TLK1: variants seen among roughly 807,000 people sequenced by gnomAD.
TLK1 encodes the protein serine/threonine-protein kinase tousled-like 1.
Under a neutral mutation model 105.3 loss-of-function variants are expected in TLK1, and 24 were observed. That is an observed-to-expected ratio of 0.23 (90% CI 0.17 to 0.32). The LOEUF (loss-of-function observed/expected upper bound fraction) is 0.32, where lower values mean the gene tolerates loss of function less well. Among genes scored for constraint, TLK1 ranks in the 10% least tolerant of loss-of-function variants. TLK1 has a pLI of 1.00. For synonymous variants in TLK1, 321 were observed against 310.4 expected (o/e 1.03, Z -0.36); for missense variants, 558 against 910.5 (o/e 0.61, Z 4.98).
chr2:171,069,863 A>G (rs1160723445), intron 3 of TLK1, among the ~76,000 whole-genome samples: 1 of 152,222 alleles, frequency 6.6e-6, no homozygotes, highest in African/African-American at 2.4e-5. Context: ...TAACCAACAT[A>G]AACAAAAGCT....
intron 2 of TLK1, among the ~76,000 whole-genome samples, chr2:171,115,296 C>T (rs1224860776): frequency 1.3e-5 from 2 of 151,446 alleles, no homozygotes; most frequent in African/African-American, 4.9e-5. Context: ...CTCAGCCTCC[C>T]GAGTAGCTAG....
At chr2:171,153,735 G>A (rs1692129886) in intron 1 of TLK1, 1 of 152,034 alleles carries the variant, frequency 6.6e-6, no homozygotes, top group Non-Finnish European at 1.5e-5. Context: ...ATTTTCTGAG[G>A]AACAATCACC....
chr2:171,058,226 T>C (rs1226278254), intron 4 of TLK1, 29 bp from the exon 5 acceptor site: 7 of 1,610,136 alleles, frequency 4.3e-6, no homozygotes, highest in Non-Finnish European at 5.1e-6. Context: ...ATGATGTTAG[T>C]AGGGTAGTGA....
intron 14 of TLK1, among the ~76,000 whole-genome samples, chr2:171,010,523 TGA>T (rs1446306287): frequency 2.0e-5 from 3 of 150,446 alleles, no homozygotes; most frequent in African/African-American, 7.4e-5. Flanking sequence ...ACCCAGTGAA[TGA>T]GAGAGGATAA....
intron 1 of TLK1, among the ~76,000 whole-genome samples, chr2:171,211,814 C>T (rs1693621229): frequency 1.3e-5 from 2 of 151,080 alleles, no homozygotes; most frequent in South Asian, 2.1e-4. Flanking sequence ...TCCCAAAGTG[C>T]TGGGATTACA....
At chr2:171,135,084 T>C in intron 1 of TLK1, among the ~76,000 whole-genome samples, 1 of 151,758 alleles carries the variant, frequency 6.6e-6, no homozygotes, top group Non-Finnish European at 1.5e-5. Flanking sequence ...CTGGGAGAAA[T>C]GAGGAAATGT....
intron 10 of TLK1, among the ~76,000 whole-genome samples, chr2:171,049,191 A>G: frequency 6.6e-6 from 1 of 152,204 alleles, no homozygotes; most frequent in Non-Finnish European, 1.5e-5. Flanking sequence ...TCACTACCTG[A>G]GTGGTGGGTT....
chr2:171,080,273 T>C (rs180961405), intron 3 of TLK1, among the ~76,000 whole-genome samples: 1 of 151,266 alleles, frequency 6.6e-6, no homozygotes, highest in Non-Finnish European at 1.5e-5. Context: ...TTAACAACTG[T>C]AGTAAATTGG....
chr2:171,202,108 G>A (rs933450453), intron 1 of TLK1, among the ~76,000 whole-genome samples: 1 of 152,202 alleles, frequency 6.6e-6, no homozygotes, highest in African/African-American at 2.4e-5. Context: ...AATACAGGAT[G>A]CCAAGTTAAA....
At chr2:171,080,760 T>G (rs1575581606) in intron 3 of TLK1, among the ~76,000 whole-genome samples, 1 of 151,374 alleles carries the variant, frequency 6.6e-6, no homozygotes, top group Non-Finnish European at 1.5e-5. Context: ...CAGGCTGGAG[T>G]GCAGTGGCAC....
intron 10 of TLK1, among the ~76,000 whole-genome samples, chr2:171,048,192 TCC>T (rs1687050671): frequency 2.4e-5 from 1 of 41,518 alleles, no homozygotes; most frequent in Non-Finnish European, 1.1e-4. Context: ...CAGGTGATCC[TCC>T]CAACTCGGCC....
At chr2:171,118,773 A>G (rs1327984231) in intron 1 of TLK1, among the ~76,000 whole-genome samples, 2 of 152,182 alleles carry the variant, frequency 1.3e-5, no homozygotes, top group Admixed American at 1.3e-4. Context: ...CTTGGGGAAC[A>G]TTTTTGAACT....
At chr2:170,996,983 C>T (rs866999380) in intron 19 of TLK1, among the ~76,000 whole-genome samples, 7 of 152,138 alleles carry the variant, frequency 4.6e-5, no homozygotes, top group Middle Eastern at 3.4e-3. Context: ...AGATTAAACA[C>T]TGTAAGAAGA....
At chr2:171,227,665 A>T (rs16823196) in intron 1 of TLK1, among the ~76,000 whole-genome samples, 14,205 of 132,168 alleles carry the variant, frequency 0.11, 1,475 homozygotes, top group East Asian at 0.61. Flanking sequence ...TCCCCATTTT[A>T]GAACAGTCGA....
intron 18 of TLK1, among the ~76,000 whole-genome samples, chr2:171,000,437 C>G (rs967035041): frequency 1.3e-5 from 2 of 148,484 alleles, no homozygotes; most frequent in Non-Finnish European, 3.0e-5. Flanking sequence ...TGGAAGTTGA[C>G]TTACTGATAA....
chr2:171,081,950 C>T (rs1190442718), intron 3 of TLK1, among the ~76,000 whole-genome samples: 1 of 151,340 alleles, frequency 6.6e-6, no homozygotes, highest in African/African-American at 2.4e-5. Flanking sequence ...TCTATACTAA[C>T]CAAGTAGAAA....
At chr2:171,179,666 G>C (rs747077358) in intron 1 of TLK1, among the ~76,000 whole-genome samples, 2 of 152,114 alleles carry the variant, frequency 1.3e-5, no homozygotes, top group Non-Finnish European at 2.9e-5. Context: ...AGACATTAAG[G>C]AGCAGGAGCA....
At chr2:171,059,180 T>C (rs1363075466) in intron 4 of TLK1, among the ~76,000 whole-genome samples, 1 of 152,192 alleles carries the variant, frequency 6.6e-6, no homozygotes, top group Non-Finnish European at 1.5e-5. Context: ...GAGATGACTG[T>C]AAAGGTCTTA....
chr2:171,221,057 A>C lies in TLK1; in HGVS notation c.-6+10088T>G, dbSNP rs922894435. Among the ~76,000 whole-genome samples, 15 of 152,220 alleles carry C rather than the reference A, an allele frequency of 9.9e-5. 1 individual carries two copies. The South Asian group carries it at 2.1e-3, about 21-fold the overall frequency. ...AAGAAACAAATTTCCACAGAGAAAAATTGGGGCTTATATGTTAATAATCTC... is the reference window on the plus strand; with the variant it reads ...AAGAAACAAATTTCCACAGAGAAAACTTGGGGCTTATATGTTAATAATCTC... On this transcript the variant is annotated intron_variant, in intron 1 of 20. Coordinates refer to the TLK1 transcript ENST00000521943.
Sources: gnomAD v4.1 joint callset for allele counts (sites outside exome capture counted in the v4.1 genomes callset) on GRCh38, gnomAD v4.1.1 for gene constraint, MANE v1.5 for transcripts, NCBI Gene and HGNC (gene_info 2026-07-23, HGNC 2026-07-21) for gene names.